The following NGEF variants were observed in gnomAD, a reference collection of about 807,000 sequenced individuals.
NGEF encodes ephexin-1.
In NGEF, 31 loss-of-function variants were observed where a neutral mutation model predicts 80.9. The ratio of observed to expected loss-of-function variants is 0.38; its 90% CI spans 0.29 to 0.52. NGEF has a LOEUF of 0.52. Among genes scored for constraint, NGEF ranks in the 20% least tolerant of loss-of-function variants. The pLI is 0.84. For missense variants in NGEF, 709 were observed against 926.2 expected (o/e 0.77, Z 3.04); for synonymous variants, 371 against 370.2 (o/e 1.00, Z -0.03).
chr2:232,947,416 A>G (rs990775676), intron 3 of NGEF, among the ~76,000 whole-genome samples: 1 of 152,098 alleles, frequency 6.6e-6, no homozygotes, highest in African/African-American at 2.4e-5. Flanking sequence ...TATTCCCCAC[A>G]CGTTGAGGGA....
intron 1 of NGEF, among the ~76,000 whole-genome samples, chr2:233,005,461 A>G (rs1258458842): frequency 6.6e-6 from 1 of 152,266 alleles, no homozygotes; most frequent in East Asian, 1.9e-4. Context: ...TCCAGCGTGG[A>G]TGCCCATGTG....
chr2:232,926,076 C>T (rs1486793765), intron 4 of NGEF, among the ~76,000 whole-genome samples: 2 of 152,150 alleles, frequency 1.3e-5, no homozygotes, highest in African/African-American at 2.4e-5. Flanking sequence ...ACGGGGTCTC[C>T]GGTGGCGATG....
chr2:232,911,241 G>A (rs1692685920), intron 5 of NGEF, among the ~76,000 whole-genome samples: 2 of 152,158 alleles, frequency 1.3e-5, no homozygotes, highest in African/African-American at 4.8e-5. Context: ...CAGCATCAAT[G>A]TTCAATATTT....
intron 8 of NGEF, among the ~76,000 whole-genome samples, chr2:232,888,574 TGCACGCAC>T (rs1377609459): frequency 6.6e-6 from 1 of 151,320 alleles, no homozygotes; most frequent in Non-Finnish European, 1.5e-5. Context: ...CACACACGCA[TGCACGCAC>T]ACACATACAC....
intron 3 of NGEF, among the ~76,000 whole-genome samples, chr2:232,944,432 C>T (rs1368007019): frequency 6.6e-6 from 1 of 151,932 alleles, no homozygotes; most frequent in African/African-American, 2.4e-5. Context: ...CCTAAGGAGA[C>T]TGGTTGAATG....
chr2:232,903,752 T>C (rs1692421508), intron 5 of NGEF, among the ~76,000 whole-genome samples: 1 of 152,210 alleles, frequency 6.6e-6, no homozygotes, highest in Non-Finnish European at 1.5e-5. Context: ...TGCTGAATTG[T>C]TGAGGGTTTA....
chr2:232,960,417 T>G (rs1411690619), intron 3 of NGEF, among the ~76,000 whole-genome samples: 1 of 152,166 alleles, frequency 6.6e-6, no homozygotes, highest in Non-Finnish European at 1.5e-5. Context: ...TTGCCTCCTG[T>G]GGGCAGATTC....
chr2:232,979,854 CT>C lies in NGEF; in HGVS notation c.-74-4891del, dbSNP rs370409750. On this transcript the variant is annotated intron_variant, in intron 1 of 14. Transcript: ENST00000264051. ...CCACACAACAACACTCTGTAAACAT[CT>C]TTTTTTTTTTTTTACAGCAATAGAT... 7.8e-3 allele frequency among the ~76,000 whole-genome samples: 1,122 copies of C among 144,626 alleles called. 1 individual carries two copies. The highest frequency in any genetic ancestry group is 0.014 in the African/African-American group (546 of 39,730). The allele number at this position is 144,626 out of a possible 152,430, so 94.9% of individuals were successfully genotyped here.
intron 3 of NGEF, chr2:232,928,008 C>T: frequency 9.4e-7 from 1 of 1,060,238 alleles, no homozygotes. Flanking sequence ...ATAGGGTCGG[C>T]GGCGGGGCGG....
rs74556950 is a variant in NGEF at position 232,957,790 on chromosome 2, C to T, written c.383+12424G>A. 3.0e-4 allele frequency among the ~76,000 whole-genome samples: 46 copies of T among 152,336 alleles called. No individual in the cohort carries two copies. The East Asian group carries it at 6.0e-3, about 20-fold the overall frequency. The stretch of plus-strand genomic sequence containing the variant: ...GAGGGAGAGCTGGGACTGTGTCCTC[C>T]TCCAGTGTCACACCTAGAACCACCT... On this transcript the variant is annotated intron_variant, in intron 3 of 14. Coordinates refer to ENST00000264051, the MANE Select transcript of NGEF (RefSeq NM_019850.3).
intron 12 of NGEF, among the ~76,000 whole-genome samples, chr2:232,883,098 C>A (rs537646663): frequency 6.6e-6 from 1 of 152,096 alleles, no homozygotes; most frequent in Non-Finnish European, 1.5e-5. Context: ...CACGCACACA[C>A]GTACACGCGT....
chr2:232,977,380 G>A (rs374381456), intron 1 of NGEF, among the ~76,000 whole-genome samples: 61 of 152,322 alleles, frequency 4.0e-4, no homozygotes, highest in African/African-American at 1.3e-3. Flanking sequence ...CGGAGACCAT[G>A]AGTGTCCGAG....
chr2:232,883,871 A>C, intron 11 of NGEF, 110 bp downstream of exon 11: 1 of 1,182,010 alleles, frequency 8.5e-7, no homozygotes, highest in Non-Finnish European at 1.2e-6. Flanking sequence ...ACCTGACCGA[A>C]GAGCCCAAGC....
intron 5 of NGEF, among the ~76,000 whole-genome samples, chr2:232,906,869 T>A (rs1206423861): frequency 1.3e-5 from 2 of 151,688 alleles, no homozygotes; most frequent in Non-Finnish European, 2.9e-5. Flanking sequence ...ATCCTGTTGA[T>A]CTATGACCTT....
intron 5 of NGEF, among the ~76,000 whole-genome samples, chr2:232,907,725 A>G (rs1335208893): frequency 6.6e-6 from 1 of 152,214 alleles, no homozygotes; most frequent in Non-Finnish European, 1.5e-5. Flanking sequence ...CCTTCTCAGT[A>G]TAGATGAAAT....
intron 1 of NGEF, among the ~76,000 whole-genome samples, chr2:233,010,284 T>G (rs112852206): frequency 0.012 from 1,896 of 152,296 alleles, 34 homozygotes; most frequent in African/African-American, 0.042. Flanking sequence ...GCTAAAACCC[T>G]GCTGTCCCTT....
intron 9 of NGEF, 74 bp downstream of exon 9, chr2:232,887,959 G>C (rs1691746315): frequency 9.0e-6 from 10 of 1,109,966 alleles, no homozygotes; most frequent in Non-Finnish European, 1.4e-5. Context: ...CATGTGGGGA[G>C]CAGGGCCGGA....
At chr2:232,934,952 A>G (rs546228020) in intron 3 of NGEF, among the ~76,000 whole-genome samples, 1 of 151,760 alleles carries the variant, frequency 6.6e-6, no homozygotes, top group South Asian at 2.1e-4. Flanking sequence ...AGGTTGAAGT[A>G]TGCCAAGATC....
At chr2:232,889,922 C>T (rs543684326) in intron 8 of NGEF, among the ~76,000 whole-genome samples, 1 of 152,228 alleles carries the variant, frequency 6.6e-6, no homozygotes, top group East Asian at 1.9e-4. Context: ...TCAGCTCATG[C>T]TCCTCAGGGC....
Sources: gnomAD v4.1 joint callset for allele counts (sites outside exome capture counted in the v4.1 genomes callset) on GRCh38, gnomAD v4.1.1 for gene constraint, MANE v1.5 for transcripts, NCBI Gene and HGNC (gene_info 2026-07-23, HGNC 2026-07-21) for gene names.